FAM184B: variants seen among roughly 807,000 people sequenced by gnomAD.
The protein encoded by FAM184B is protein FAM184B.
Under a neutral mutation model 135.9 loss-of-function variants are expected in FAM184B, and 111 were observed. The ratio of observed to expected loss-of-function variants is 0.82; its 90% CI spans 0.70 to 0.96. FAM184B has a LOEUF of 0.96. Ranked by LOEUF, FAM184B falls within the 40% of genes least tolerant of loss-of-function variation. The probability of loss-of-function intolerance (pLI) is 0.00; values close to 1 mark genes in which losing one functional copy is unlikely to be tolerated. For missense variants in FAM184B, 1,375 were observed against 1,323.9 expected, an observed-to-expected ratio of 1.04 and a Z score of -0.60; for synonymous variants, 552 against 524.8, an observed-to-expected ratio of 1.05 and a Z score of -0.71.
At chr4:17,742,518 A>G (rs1718068055) in intron 1 of FAM184B, among the ~76,000 whole-genome samples, 1 of 152,108 alleles carries the variant, frequency 6.6e-6, no homozygotes, top group South Asian at 2.1e-4. Flanking sequence ...TTCTGCGCAA[A>G]TGTTGCCTTT....
intron 3 of FAM184B, among the ~76,000 whole-genome samples, chr4:17,706,326 G>T (rs1229579626): frequency 6.6e-6 from 1 of 152,204 alleles, no homozygotes; most frequent in Admixed American, 6.5e-5. Flanking sequence ...ACACCTTTCT[G>T]GTTCCTGCAG....
chr4:17,778,905 A>G (rs1718980886), intron 1 of FAM184B, among the ~76,000 whole-genome samples: 1 of 152,174 alleles, frequency 6.6e-6, no homozygotes, highest in Non-Finnish European at 1.5e-5. Context: ...AGGCAGCAAT[A>G]AAAAGATGGG....
chr4:17,657,375 C>A (rs1715798736), intron 10 of FAM184B, among the ~76,000 whole-genome samples: 1 of 152,216 alleles, frequency 6.6e-6, no homozygotes, highest in Admixed American at 6.5e-5. Context: ...CCAGACTCCT[C>A]AAACCTTCCT....
At chr4:17,660,289 ACCTGATATCTGTTTAGCAGGAACCG>A (rs1456682000) in intron 8 of FAM184B, among the ~76,000 whole-genome samples, 19 of 152,166 alleles carry the variant, frequency 1.2e-4, no homozygotes, top group African/African-American at 4.6e-4. Context: ...ATCGGGAACC[ACCTGATATCTGTTTAGCAGGAACCG>A]CCTGATAGCT....
intron 8 of FAM184B, among the ~76,000 whole-genome samples, chr4:17,660,787 C>T (rs988852077): frequency 1.3e-5 from 2 of 151,918 alleles, no homozygotes; most frequent in Non-Finnish European, 2.9e-5. Flanking sequence ...TGTTTGACAG[C>T]GTGAAAGGAT....
At chr4:17,760,845 G>C (rs1047641301) in intron 1 of FAM184B, among the ~76,000 whole-genome samples, 1 of 152,116 alleles carries the variant, frequency 6.6e-6, no homozygotes, top group Non-Finnish European at 1.5e-5. Flanking sequence ...TTTCTCCAAG[G>C]CACTTCGGGA....
At position 17,745,116 on chromosome 4, in the gene FAM184B, A is replaced by G. The variant is rs112421363; in HGVS notation, c.142-35472T>C. 2.3e-3 allele frequency among the ~76,000 whole-genome samples: 347 copies of G among 152,350 alleles called. 3 individuals are homozygous for G. The highest frequency in any genetic ancestry group is 4.0e-3 in the Non-Finnish European group (272 of 68,030). ...CTGACATCTAGCTCTAACATCCACA[A>G]GATTAAGTCCAAACCTATAAACTTG... On this transcript the variant is annotated intron_variant, in intron 1 of 17. Transcript: ENST00000265018.
chr4:17,658,229 T>A, intron 10 of FAM184B, 121 bp downstream of exon 10: 2 of 949,222 alleles, frequency 2.1e-6, no homozygotes, highest in East Asian at 5.3e-5. Flanking sequence ...AATACAATAA[T>A]AACAATCTGG....
intron 1 of FAM184B, among the ~76,000 whole-genome samples, chr4:17,733,855 G>T (rs1257569760): frequency 6.6e-6 from 1 of 152,166 alleles, no homozygotes; most frequent in Non-Finnish European, 1.5e-5. Context: ...ATCCAAAAAA[G>T]AGCCCGCATT....
At chr4:17,749,191 A>T (rs1200041087) in intron 1 of FAM184B, among the ~76,000 whole-genome samples, 2 of 152,038 alleles carry the variant, frequency 1.3e-5, no homozygotes, top group Non-Finnish European at 2.9e-5. Context: ...TAAGGCATTA[A>T]AGATCCTCTG....
intron 16 of FAM184B, among the ~76,000 whole-genome samples, chr4:17,634,744 T>TA (rs1187236939): frequency 6.6e-6 from 1 of 152,258 alleles, no homozygotes; most frequent in Non-Finnish European, 1.5e-5. Context: ...GGAAGATTCT[T>TA]ACTCTTCTCC....
At chr4:17,664,490 G>T in intron 8 of FAM184B, 72 bp downstream of exon 8, 1 of 1,183,400 alleles carries the variant, frequency 8.5e-7, no homozygotes, top group Non-Finnish European at 1.2e-6. Flanking sequence ...TAGAATGAAT[G>T]AATGGATGAA....
At chr4:17,660,361 T>C (rs1715888503) in intron 8 of FAM184B, among the ~76,000 whole-genome samples, 2 of 152,140 alleles carry the variant, frequency 1.3e-5, no homozygotes, top group African/African-American at 4.8e-5. Flanking sequence ...TTTTAGTGGG[T>C]TCTTAATAAA....
chr4:17,634,960 G>T (rs757785061), intron 16 of FAM184B, 49 bp downstream of exon 16: 1 of 1,363,676 alleles, frequency 7.3e-7, no homozygotes, highest in Non-Finnish European at 1.0e-6. Context: ...TAAGAAAAAC[G>T]AAACCAATGG....
At chr4:17,754,558 A>C (rs1718379086) in intron 1 of FAM184B, among the ~76,000 whole-genome samples, 2 of 151,000 alleles carry the variant, frequency 1.3e-5, no homozygotes, top group Non-Finnish European at 2.9e-5. Flanking sequence ...TCTCAGAAAA[A>C]AAAAAAAAAA....
intron 12 of FAM184B, among the ~76,000 whole-genome samples, chr4:17,645,221 G>GA (rs1222391482): frequency 6.6e-6 from 1 of 152,010 alleles, no homozygotes; most frequent in East Asian, 1.9e-4. Context: ...CACAGAATTG[G>GA]AAAAAACTAA....
intron 1 of FAM184B, among the ~76,000 whole-genome samples, chr4:17,729,701 G>A (rs1341041544): frequency 6.6e-6 from 1 of 152,218 alleles, no homozygotes; most frequent in Non-Finnish European, 1.5e-5. Context: ...TGCAGCTGAC[G>A]GTCCTGTCTG....
In FAM184B at chr4:17,723,058, T is replaced by C. The variant is rs966039789; in HGVS notation, c.142-13414A>G. ...ATTTAAATCCTGAAAGCAGCTTTTG[T>C]GTGCAGATCTAAATAGACATGCATA... On this transcript the variant is annotated intron_variant, in intron 1 of 17. Coordinates refer to ENST00000265018, the MANE Select transcript of FAM184B (RefSeq NM_015688.2). Among the ~76,000 whole-genome samples, 95 of 152,174 alleles carry C rather than the reference T, an allele frequency of 6.2e-4. 1 individual carries two copies. The highest frequency in any genetic ancestry group is 2.1e-3 in the African/African-American group (87 of 41,446).
chr4:17,672,869 G>T (rs185970314), intron 7 of FAM184B, among the ~76,000 whole-genome samples: 44 of 152,186 alleles, frequency 2.9e-4, no homozygotes, highest in African/African-American at 1.0e-3. Context: ...TCCTGGTTTT[G>T]GCATTAGGGT....
Sources: gnomAD v4.1 joint callset for allele counts (sites outside exome capture counted in the v4.1 genomes callset) on GRCh38, gnomAD v4.1.1 for gene constraint, MANE v1.5 for transcripts, NCBI Gene and HGNC (gene_info 2026-07-23, HGNC 2026-07-21) for gene names.